Variants in MBNL1 observed in about 807,000 individuals in gnomAD.
MBNL1 encodes muscleblind-like protein 1.
In MBNL1, 8 loss-of-function variants were observed where a neutral mutation model predicts 42.2. That is an observed-to-expected ratio of 0.19 (90% CI 0.11 to 0.34). The LOEUF is 0.34. MBNL1 is among the 10% of genes least tolerant of loss of function. The pLI, the probability that MBNL1 is intolerant of heterozygous loss-of-function variation, is 1.00. For synonymous variants in MBNL1, 169 were observed against 173.9 expected, an observed-to-expected ratio of 0.97 and a Z score of 0.22; for missense variants, 309 against 495.3, an observed-to-expected ratio of 0.62 and a Z score of 3.57.
At chr3:152,443,260 C>T (rs145944521) in intron 4 of MBNL1, among the ~76,000 whole-genome samples, 415 of 146,930 alleles carry the variant, frequency 2.8e-3, no homozygotes, top group African/African-American at 9.7e-3. Context: ...CTTGTTAATG[C>T]GGCAAAGAGT....
intron 2 of MBNL1, among the ~76,000 whole-genome samples, chr3:152,313,992 A>G (rs1367806234): frequency 6.6e-6 from 1 of 152,194 alleles, no homozygotes; most frequent in Non-Finnish European, 1.5e-5. Flanking sequence ...AACTAATCCT[A>G]TTTAGCTTTA....
intron 5 of MBNL1, among the ~76,000 whole-genome samples, chr3:152,447,088 G>C (rs2099238473): frequency 6.6e-6 from 1 of 152,146 alleles, no homozygotes; most frequent in Non-Finnish European, 1.5e-5. Context: ...CATGGCTTTA[G>C]TGGTAGAATT....
intron 3 of MBNL1, among the ~76,000 whole-genome samples, chr3:152,415,708 G>A (rs1335676256): frequency 6.6e-6 from 1 of 152,104 alleles, no homozygotes; most frequent in Non-Finnish European, 1.5e-5. Flanking sequence ...AAACTCTGAG[G>A]GCTTAAAGAG....
chr3:152,382,267 A>G (rs769805332), intron 2 of MBNL1, among the ~76,000 whole-genome samples: 7 of 152,230 alleles, frequency 4.6e-5, no homozygotes, highest in Non-Finnish European at 1.0e-4. Context: ...TTATTTATTA[A>G]AGCAAAGAAA....
At chr3:152,363,087 T>C (rs2096098899) in intron 2 of MBNL1, among the ~76,000 whole-genome samples, 1 of 152,164 alleles carries the variant, frequency 6.6e-6, no homozygotes, top group African/African-American at 2.4e-5. Flanking sequence ...GACATAATAA[T>C]AGGAGAAATA....
chr3:152,307,450 G>A (rs556006731), intron 2 of MBNL1, among the ~76,000 whole-genome samples: 6 of 152,168 alleles, frequency 3.9e-5, no homozygotes, highest in South Asian at 2.1e-4. Context: ...TATTTTTTCC[G>A]TATGGAGTAA....
intron 2 of MBNL1, among the ~76,000 whole-genome samples, chr3:152,258,175 C>T (rs1051051095): frequency 6.6e-6 from 1 of 152,060 alleles, no homozygotes; most frequent in Non-Finnish European, 1.5e-5. Flanking sequence ...TGAAGCTTAA[C>T]AAGAGCTTAT....
At chr3:152,368,390 A>G (rs2096519700) in intron 2 of MBNL1, among the ~76,000 whole-genome samples, 1 of 152,172 alleles carries the variant, frequency 6.6e-6, no homozygotes, top group South Asian at 2.1e-4. Flanking sequence ...TGCTAGCAGT[A>G]CCATGCTGTT....
intron 2 of MBNL1, among the ~76,000 whole-genome samples, chr3:152,349,429 T>G (rs563588373): frequency 5.3e-4 from 80 of 152,066 alleles, no homozygotes; most frequent in African/African-American, 1.9e-3. Context: ...AAAGAATAGC[T>G]GAATGTGACA....
chr3:152,279,484 G>C (rs192926442), intron 1 of MBNL1, among the ~76,000 whole-genome samples: 180 of 148,892 alleles, frequency 1.2e-3, no homozygotes, highest in Admixed American at 2.0e-3. Context: ...CAAGAAGATA[G>C]AAATTTTATT....
At chr3:152,276,124 C>T (rs16864130) in intron 1 of MBNL1, among the ~76,000 whole-genome samples, 4 of 151,870 alleles carry the variant, frequency 2.6e-5, no homozygotes, top group Non-Finnish European at 4.4e-5. Flanking sequence ...TTTTCATTTG[C>T]GGAGATATGA....
At chr3:152,326,170 G>GC (rs2079927590) in intron 2 of MBNL1, among the ~76,000 whole-genome samples, 1 of 152,130 alleles carries the variant, frequency 6.6e-6, no homozygotes, top group South Asian at 2.1e-4. Flanking sequence ...AACTTTTCCT[G>GC]ATTGTCACAG....
intron 2 of MBNL1, among the ~76,000 whole-genome samples, chr3:152,333,507 A>C (rs912187701): frequency 6.6e-6 from 1 of 152,210 alleles, no homozygotes; most frequent in Non-Finnish European, 1.5e-5. Flanking sequence ...TTCAAGTGTC[A>C]GTAGAGAGTG....
At chr3:152,311,690 A>G (rs1484343776) in intron 2 of MBNL1, among the ~76,000 whole-genome samples, 1 of 152,184 alleles carries the variant, frequency 6.6e-6, no homozygotes, top group East Asian at 1.9e-4. Flanking sequence ...GTATTTAAAA[A>G]TAGCTCACAC....
At chr3:152,416,525 G>C (rs1229978075) in intron 3 of MBNL1, among the ~76,000 whole-genome samples, 3 of 152,194 alleles carry the variant, frequency 2.0e-5, no homozygotes, top group Non-Finnish European at 4.4e-5. Context: ...TCAAAGATCA[G>C]ACAAGTCTTT....
intron 1 of MBNL1, among the ~76,000 whole-genome samples, chr3:152,281,992 C>CTA (rs1364730518): frequency 2.1e-4 from 32 of 152,016 alleles, no homozygotes; most frequent in Admixed American, 5.9e-4. Context: ...CCCTATGTGT[C>CTA]TATATATATA....
intron 1 of MBNL1, chr3:152,244,180 T>A (rs323617): frequency 0.57 from 86,680 of 152,096 alleles, 25,199 homozygotes; most frequent in Non-Finnish European, 0.63. Flanking sequence ...TAATTATATA[T>A]GTGTACAGGC....
intron 2 of MBNL1, among the ~76,000 whole-genome samples, chr3:152,356,936 T>C (rs1172720605): frequency 6.6e-6 from 1 of 152,022 alleles, no homozygotes; most frequent in African/African-American, 2.4e-5. Context: ...CCTTGTGGTG[T>C]TACCATACTT....
intron 2 of MBNL1, among the ~76,000 whole-genome samples, chr3:152,329,460 C>T (rs986023325): frequency 6.6e-6 from 1 of 150,886 alleles, no homozygotes; most frequent in Non-Finnish European, 1.5e-5. Context: ...GACTCTGTCT[C>T]TACCAAAAAG....
Sources: gnomAD v4.1 joint callset for allele counts (sites outside exome capture counted in the v4.1 genomes callset) on GRCh38, gnomAD v4.1.1 for gene constraint, MANE v1.5 for transcripts, NCBI Gene and HGNC (gene_info 2026-07-23, HGNC 2026-07-21) for gene names.